The following RAPGEF5 variants were observed in gnomAD, a reference collection of about 807,000 sequenced individuals.
The protein encoded by RAPGEF5 is Rap guanine nucleotide exchange factor 5.
A neutral mutation model predicts 125.2 loss-of-function variants in RAPGEF5; 65 were observed. The ratio of observed to expected loss-of-function variants is 0.52; its 90% CI spans 0.43 to 0.64. The LOEUF is 0.64. Ranked by LOEUF, RAPGEF5 falls within the 30% of genes least tolerant of loss-of-function variation. The pLI, the probability that RAPGEF5 is intolerant of heterozygous loss-of-function variation, is 0.00. For synonymous variants in RAPGEF5, 391 were observed against 385.9 expected, an observed-to-expected ratio of 1.01 and a Z score of -0.16; for missense variants, 958 against 1,048.1, an observed-to-expected ratio of 0.91 and a Z score of 1.19.
intron 18 of RAPGEF5, among the ~76,000 whole-genome samples, chr7:22,150,074 CTTTT>C (rs71550462): frequency 1.1e-3 from 81 of 76,286 alleles, no homozygotes; most frequent in African/African-American, 2.9e-3. Flanking sequence ...ACGTGTGTTC[CTTTT>C]TTTTTTTTTT....
At chr7:22,287,939 T>C (rs999196400) in intron 6 of RAPGEF5, among the ~76,000 whole-genome samples, 2 of 152,170 alleles carry the variant, frequency 1.3e-5, no homozygotes, top group African/African-American at 4.8e-5. Flanking sequence ...GTACAGGATA[T>C]TTTCAATTTT....
chr7:22,123,373 G>C (rs550828930), intron 25 of RAPGEF5, among the ~76,000 whole-genome samples: 3 of 152,288 alleles, frequency 2.0e-5, no homozygotes, highest in African/African-American at 7.2e-5. Context: ...TGAGGCTGGG[G>C]AACACTGGCC....
intron 7 of RAPGEF5, 32 bp from the exon 8 acceptor site, chr7:22,230,951 A>G (rs1249255805): frequency 6.5e-7 from 1 of 1,532,546 alleles, no homozygotes; most frequent in South Asian, 1.2e-5. Flanking sequence ...AAACAAATGT[A>G]TCATCATACA....
chr7:22,335,695 A>C, intron 1 of RAPGEF5, among the ~76,000 whole-genome samples: 1 of 128,478 alleles, frequency 7.8e-6, no homozygotes, highest in East Asian at 2.3e-4. Flanking sequence ...AACAAGCAAA[A>C]AAAAAAAAAC....
chr7:22,208,633 C>G (rs1325144045), intron 9 of RAPGEF5, among the ~76,000 whole-genome samples: 2 of 152,160 alleles, frequency 1.3e-5, no homozygotes, highest in Non-Finnish European at 2.9e-5. Flanking sequence ...CTTCCACAGG[C>G]CTGTGCTGCC....
chr7:22,154,379 T>G, intron 17 of RAPGEF5, 76 bp downstream of exon 17: 1 of 1,523,828 alleles, frequency 6.6e-7, no homozygotes, highest in East Asian at 2.3e-5. Context: ...GCACTTTTAC[T>G]CTACAAAAAT....
intron 11 of RAPGEF5, among the ~76,000 whole-genome samples, chr7:22,186,091 G>A (rs997707863): frequency 6.6e-6 from 1 of 152,100 alleles, no homozygotes; most frequent in Non-Finnish European, 1.5e-5. Context: ...CTCCCAAAGT[G>A]CTTAATCTAA....
At chr7:22,323,031 G>A (rs1783746792) in intron 1 of RAPGEF5, among the ~76,000 whole-genome samples, 1 of 152,194 alleles carries the variant, frequency 6.6e-6, no homozygotes, top group Non-Finnish European at 1.5e-5. Context: ...ATCCGTGGCT[G>A]AACCTCCAAG....
intron 4 of RAPGEF5, 41 bp from the exon 5 acceptor site, chr7:22,308,548 A>G (rs1396701862): frequency 1.4e-6 from 2 of 1,394,836 alleles, no homozygotes; most frequent in African/African-American, 1.5e-5. Flanking sequence ...TTTTTAAAAG[A>G]TATTACTCAG....
chr7:22,343,019 C>T (rs1411548474), intron 1 of RAPGEF5, among the ~76,000 whole-genome samples: 2 of 152,154 alleles, frequency 1.3e-5, no homozygotes, highest in East Asian at 1.9e-4. Context: ...CTGTATTAGT[C>T]CGTTTTCATG....
intron 5 of RAPGEF5, among the ~76,000 whole-genome samples, chr7:22,301,313 C>A (rs2128150347): frequency 6.6e-6 from 1 of 152,104 alleles, no homozygotes; most frequent in South Asian, 2.1e-4. Flanking sequence ...TCAAGGTTTG[C>A]AGCAAAAAAA....
intron 24 of RAPGEF5, among the ~76,000 whole-genome samples, chr7:22,127,911 T>C (rs1782799194): frequency 6.6e-6 from 1 of 152,220 alleles, no homozygotes; most frequent in African/African-American, 2.4e-5. Flanking sequence ...GAAAATTGAA[T>C]AGGACAGTGA....
intron 7 of RAPGEF5, among the ~76,000 whole-genome samples, chr7:22,248,579 A>G (rs1052990785): frequency 4.6e-5 from 7 of 152,218 alleles, no homozygotes; most frequent in African/African-American, 1.4e-4. Flanking sequence ...CTCCACTGTC[A>G]GCAAGAAGTA....
chr7:22,288,526 C>CTT (rs56683554), intron 6 of RAPGEF5, among the ~76,000 whole-genome samples: 1 of 142,380 alleles, frequency 7.0e-6, no homozygotes. Flanking sequence ...CTTTTCTTTT[C>CTT]TTTTTTTTTT....
chr7:22,227,210 T>C (rs989905713), intron 8 of RAPGEF5, among the ~76,000 whole-genome samples: 1 of 151,280 alleles, frequency 6.6e-6, no homozygotes, highest in African/African-American at 2.4e-5. Flanking sequence ...GTAAGCAGGG[T>C]AGCAAAGTTA....
chr7:22,314,114 T>C (rs747017229), intron 3 of RAPGEF5, among the ~76,000 whole-genome samples: 1 of 152,250 alleles, frequency 6.6e-6, no homozygotes, highest in Non-Finnish European at 1.5e-5. Context: ...TGTGCTTAAT[T>C]AAAGTGTTAA....
intron 6 of RAPGEF5, among the ~76,000 whole-genome samples, chr7:22,284,828 C>T (rs1020935493): frequency 1.2e-4 from 19 of 152,082 alleles, no homozygotes; most frequent in African/African-American, 3.4e-4. Flanking sequence ...TGAATAGAAA[C>T]CCATTTTTTT....
In RAPGEF5 at chr7:22,219,980, C is replaced by T. The variant is rs764694201; in HGVS notation, c.882G>A (p.Met294Ile). 6.8e-6 allele frequency: 11 copies of T among 1,613,540 alleles called. No individual in the cohort carries two copies. The South Asian group carries it at 8.8e-5, about 13-fold the overall frequency. Residue 294 changes from methionine (M) to isoleucine (I), a missense_variant, in exon 9 of 26, where the codon ATG becomes ATA. By Grantham distance (10) the Met-to-Ile change is conservative. Transcript: ENST00000665637. ...ESVPDSQAGV[M>I]CKLQERDEIG... ...TTTCATCTCTTTCCTGGAGCTTGCA[C>T]ATCACCCCTGCCTTAAGAGTTGGAG...
chr7:22,355,997 TG>T (rs1359818990), intron 1 of RAPGEF5: 1 of 985,290 alleles, frequency 1.0e-6, no homozygotes, highest in Admixed American at 6.2e-5. Context: ...CGCCAAACCC[TG>T]GTGAGCAGGG....
Sources: gnomAD v4.1 joint callset for allele counts (sites outside exome capture counted in the v4.1 genomes callset) on GRCh38, gnomAD v4.1.1 for gene constraint, MANE v1.5 for transcripts, NCBI Gene and HGNC (gene_info 2026-07-23, HGNC 2026-07-21) for gene names.